Variants in STIM1 observed in about 807,000 individuals in gnomAD.
STIM1 encodes stromal interaction molecule 1.
Under a neutral mutation model 74.7 loss-of-function variants are expected in STIM1, and 25 were observed. The ratio of observed to expected loss-of-function variants is 0.33; its 90% CI spans 0.24 to 0.47. The LOEUF is 0.47. Ranked by LOEUF, STIM1 falls within the 20% of genes least tolerant of loss-of-function variation. The pLI is 1.00. For missense variants in STIM1, 728 were observed against 920.8 expected, an observed-to-expected ratio of 0.79 and a Z score of 2.71; for synonymous variants, 328 against 348.8, an observed-to-expected ratio of 0.94 and a Z score of 0.66.
chr11:4,013,690 C>CTTTTTTTTTTTTTTTTTTTTT (rs1169600270), intron 2 of STIM1, among the ~76,000 whole-genome samples: 1 of 51,912 alleles, frequency 1.9e-5, no homozygotes, highest in African/African-American at 9.5e-5. Context: ...TCATTGATTT[C>CTTTTTTTTTTTTTTTTTTTTT]TTTTTTTTTT....
rs1314129954 is a variant in STIM1 at position 4,092,580 on chromosome 11, A to G, written c.*782A>G. ...CTCCCTCTTACCCCTGCTCCCCCAC[A>G]CTGCAGGAGGATTTGTCTCTAAGAG... is the stretch of plus-strand genomic sequence containing the variant. On this transcript the variant is annotated 3_prime_UTR_variant, in exon 13 of 13. Coordinates refer to ENST00000526596, the MANE Select transcript of STIM1 (RefSeq NM_001382567.1). The G allele has an allele frequency of 3.3e-5, 5 of 152,478 alleles. No individual in the cohort carries two copies. Among genetic ancestry groups the G allele is most frequent in the Admixed American group, 1.3e-4 (2 of 15,314 alleles). The allele number at this position is 152,478 out of a possible 1,614,324, so 9.4% of individuals were successfully genotyped here.
chr11:4,043,840 C>G (rs77275857), intron 3 of STIM1, among the ~76,000 whole-genome samples: 1 of 151,786 alleles, frequency 6.6e-6, no homozygotes, highest in African/African-American at 2.4e-5. Context: ...CATGGTGAAA[C>G]CCTGTCTCTA....
intron 1 of STIM1, among the ~76,000 whole-genome samples, chr11:3,927,519 T>G (rs1373291688): frequency 6.6e-6 from 1 of 152,240 alleles, no homozygotes; most frequent in African/African-American, 2.4e-5. Context: ...GCTACTTACT[T>G]GTAACCTTTT....
At chr11:3,946,792 C>T (rs1356330297) in intron 1 of STIM1, among the ~76,000 whole-genome samples, 1 of 152,170 alleles carries the variant, frequency 6.6e-6, no homozygotes, top group East Asian at 1.9e-4. Flanking sequence ...CTCACTCTAA[C>T]CAGTTGGGAA....
intron 6 of STIM1, among the ~76,000 whole-genome samples, chr11:4,073,479 T>C (rs2094418200): frequency 6.6e-6 from 1 of 152,254 alleles, no homozygotes; most frequent in Non-Finnish European, 1.5e-5. Flanking sequence ...ATCTGTCTAC[T>C]TGTCTTTGTT....
intron 7 of STIM1, among the ~76,000 whole-genome samples, chr11:4,076,691 T>TC (rs1196451339): frequency 1.3e-5 from 2 of 151,362 alleles, no homozygotes; most frequent in African/African-American, 4.9e-5. Flanking sequence ...TTGTTTTTTT[T>TC]CCCCCAAGTA....
At position 3,992,089 on chromosome 11, in the gene STIM1, G is replaced by GTTTTTT. The variant is rs75377604; in HGVS notation, c.270+24424_270+24429dup. Among the ~76,000 whole-genome samples, 139 of 95,386 alleles carry GTTTTTT rather than the reference G, an allele frequency of 1.5e-3. 1 individual carries two copies. The highest frequency in any genetic ancestry group is 6.8e-3 in the Middle Eastern group (1 of 148). 62.6% of individuals were successfully genotyped at this position (95,386 alleles called of 152,430 possible). A position where few individuals can be genotyped will look rare whatever the true frequency, so the allele number is the denominator to read the frequency against. Reference sequence around the variant, plus strand: ...CAGCCTTGCCAACATCTGTTTTTTTGTTTTTTTTTTTTTTTTTTTTTTAGT... The same window carrying GTTTTTT: ...CAGCCTTGCCAACATCTGTTTTTTTGTTTTTTTTTTTTTTTTTTTTTTTTTTTTAGT... On this transcript the variant is annotated intron_variant, in intron 2 of 12. Coordinates refer to ENST00000526596, the MANE Select transcript of STIM1 (RefSeq NM_001382567.1).
intron 1 of STIM1, among the ~76,000 whole-genome samples, chr11:3,895,608 C>CTCTCTTTCTTTCTTTCTTTCTT (rs1565104460): frequency 2.1e-4 from 11 of 53,124 alleles, no homozygotes; most frequent in East Asian, 8.0e-4. Flanking sequence ...TTCTTTCTCT[C>CTCTCTTTCTTTCTTTCTTTCTT]TCTTTCTTTC....
chr11:4,009,980 T>G (rs765633931), intron 2 of STIM1, among the ~76,000 whole-genome samples: 8 of 152,016 alleles, frequency 5.3e-5, no homozygotes, highest in Non-Finnish European at 1.2e-4. Flanking sequence ...ATGTAGCTAA[T>G]TTTAAAATTT....
chr11:3,998,950 C>A (rs1171918625), intron 2 of STIM1, among the ~76,000 whole-genome samples: 1 of 152,164 alleles, frequency 6.6e-6, no homozygotes, highest in Non-Finnish European at 1.5e-5. Flanking sequence ...CTTTGATAGC[C>A]ATAGAGTCTC....
intron 2 of STIM1, among the ~76,000 whole-genome samples, chr11:4,006,397 A>C (rs1238952754): frequency 6.6e-6 from 1 of 152,094 alleles, no homozygotes; most frequent in Non-Finnish European, 1.5e-5. Context: ...ACCCAGTCTC[A>C]GGTATTTCTT....
At chr11:3,921,279 G>A (rs533069670) in intron 1 of STIM1, among the ~76,000 whole-genome samples, 6 of 152,276 alleles carry the variant, frequency 3.9e-5, no homozygotes, top group South Asian at 2.1e-4. Flanking sequence ...GTTATACTTC[G>A]ATATTTGGCC....
At chr11:4,019,071 T>C in intron 2 of STIM1, 1 of 184,672 alleles carries the variant, frequency 5.4e-6, no homozygotes. Flanking sequence ...GTGCCTCCAG[T>C]GTTGCCATCA....
chr11:3,890,815 G>A (rs552913690), intron 1 of STIM1, among the ~76,000 whole-genome samples: 116 of 152,288 alleles, frequency 7.6e-4, no homozygotes, highest in Non-Finnish European at 1.0e-3. Context: ...GCTTCTAGAA[G>A]GCATTCTTTG....
chr11:4,022,745 A>T (rs2093967513), intron 2 of STIM1, among the ~76,000 whole-genome samples: 1 of 152,190 alleles, frequency 6.6e-6, no homozygotes, highest in Admixed American at 6.5e-5. Flanking sequence ...AGCTGGGGCT[A>T]CTCACACATT....
intron 2 of STIM1, among the ~76,000 whole-genome samples, chr11:3,971,763 A>G (rs1160372515): frequency 3.9e-5 from 6 of 152,204 alleles, no homozygotes. Flanking sequence ...TTGTGAAGCC[A>G]CAATGTACCA....
chr11:3,991,265 G>C (rs2093608970), intron 2 of STIM1, among the ~76,000 whole-genome samples: 1 of 150,612 alleles, frequency 6.6e-6, no homozygotes, highest in Admixed American at 6.6e-5. Context: ...CAATCTCCTG[G>C]GCTCAAGCAT....
intron 1 of STIM1, among the ~76,000 whole-genome samples, chr11:3,913,232 G>A (rs2092593315): frequency 6.6e-6 from 1 of 151,492 alleles, no homozygotes; most frequent in Non-Finnish European, 1.5e-5. Flanking sequence ...CTGTCGCCCA[G>A]GCTGCAATGC....
chr11:3,856,956 C>T (rs7120945), intron 1 of STIM1, among the ~76,000 whole-genome samples: 98,714 of 152,010 alleles, frequency 0.65, 32,334 homozygotes, highest in African/African-American at 0.72. Flanking sequence ...AATATCCAGG[C>T]GGTTTCTTAG....
Sources: allele counts gnomAD v4.1 joint callset (sites outside exome capture counted in the v4.1 genomes callset), GRCh38; gene constraint gnomAD v4.1.1; transcripts MANE v1.5; gene names NCBI Gene and HGNC (gene_info 2026-07-23, HGNC 2026-07-21).